The following CDC27 variants were observed in gnomAD, a reference collection of about 807,000 sequenced individuals.
CDC27 encodes the protein cell division cycle 27.
CDC27 carries 27 observed loss-of-function variants against 109.7 expected under a neutral mutation model. The ratio of observed to expected loss-of-function variants is 0.25; its 90% CI spans 0.18 to 0.34. CDC27 has a LOEUF of 0.34. CDC27 is among the 10% of genes least tolerant of loss of function. The probability of loss-of-function intolerance (pLI) is 1.00; values close to 1 mark genes in which losing one functional copy is unlikely to be tolerated. For synonymous variants in CDC27, 266 were observed against 333.9 expected (o/e 0.80, Z 2.22); for missense variants, 579 against 960.2 (o/e 0.60, Z 5.25).
chr17:47,128,277 C>T (rs2062210599), intron 16 of CDC27, among the ~76,000 whole-genome samples: 1 of 152,110 alleles, frequency 6.6e-6, no homozygotes, highest in African/African-American at 2.4e-5. Context: ...GTGATTTGCC[C>T]ACCTTGGCCT....
At chr17:47,189,014 G>C in intron 1 of CDC27, 132 bp downstream of exon 1, 1 of 1,493,684 alleles carries the variant, frequency 6.7e-7, no homozygotes, top group Admixed American at 1.9e-5. Context: ...ACTAAAGATA[G>C]GCAGGACACG....
chr17:47,138,907 C>A lies in CDC27; in HGVS notation c.1552-16G>T. 1.3e-6 allele frequency: 2 copies of A among 1,525,116 alleles called. No individual in the cohort carries two copies. Among genetic ancestry groups the A allele is most frequent in the Non-Finnish European group, 8.9e-7 (1 of 1,125,972 alleles). 94.5% of individuals were successfully genotyped at this position (1,525,116 alleles called of 1,614,324 possible). A position where few individuals can be genotyped will look rare whatever the true frequency, so the allele number is the denominator to read the frequency against. ...TTCTTTCAGCCTGAAATAAAAAAAA[C>A]TAGTAAGAGAAAACAAGTTGATACA... On this transcript the variant is annotated splice_polypyrimidine_tract_variant and intron_variant, in intron 12 of 18. Coordinates refer to ENST00000066544, the MANE Select transcript of CDC27 (RefSeq NM_001256.6).
At chr17:47,124,219 G>A (rs939281506) in intron 16 of CDC27, among the ~76,000 whole-genome samples, 1 of 87,718 alleles carries the variant, frequency 1.1e-5, no homozygotes, top group Non-Finnish European at 2.3e-5. Context: ...ACCCCTCTTC[G>A]TGAAATATGC....
intron 14 of CDC27, among the ~76,000 whole-genome samples, chr17:47,134,227 C>T (rs2062493978): frequency 1.3e-5 from 2 of 151,320 alleles, no homozygotes. Context: ...GTCACTTTTA[C>T]AAGCAAAAAC....
rs889197848 is a variant in CDC27 at position 47,120,672 on chromosome 17, A to G, written c.*263T>C. On this transcript the variant is annotated 3_prime_UTR_variant, in exon 19 of 19. Transcript: ENST00000066544. ...ATACTTTCCAACAAAGGGAGATTAA[A>G]GAAAAACAGAAAAGAAAGTTCCCCA... 1.5e-5 allele frequency: 5 copies of G among 340,954 alleles called. No homozygotes were observed. In the Admixed American group the frequency reaches 2.2e-4, roughly 15 times the overall value. The allele number at this position is 340,954 out of a possible 1,614,324, so 21.1% of individuals were successfully genotyped here. A position where few individuals can be genotyped will look rare whatever the true frequency, so the allele number is the denominator to read the frequency against.
chr17:47,153,731 C>T (rs1367796752), intron 8 of CDC27, among the ~76,000 whole-genome samples: 8 of 152,018 alleles, frequency 5.3e-5, no homozygotes, highest in Non-Finnish European at 8.8e-5. Flanking sequence ...CACAGATATG[C>T]TTTTTAAAAA....
Position 47,120,865 on chromosome 17 carries a change from G to T in CDC27, c.*70C>A. 9.1e-7 allele frequency: 1 copy of T among 1,095,184 alleles called. No homozygotes were observed. Among genetic ancestry groups the T allele is most frequent in the Non-Finnish European group, 1.4e-6 (1 of 720,816 alleles). The allele number at this position is 1,095,184 out of a possible 1,614,324, so 67.8% of individuals were successfully genotyped here. On this transcript the variant is annotated 3_prime_UTR_variant, in exon 19 of 19. Coordinates refer to ENST00000066544, the MANE Select transcript of CDC27 (RefSeq NM_001256.6). Reference sequence around the variant, plus strand: ...CCGCCAGCTCAAGAGTAAAGACTCAGTATACAGAGGGACAAGAAACACGTC... The same window carrying T: ...CCGCCAGCTCAAGAGTAAAGACTCATTATACAGAGGGACAAGAAACACGTC...
At chr17:47,122,664 C>CTA (rs11570571) in intron 17 of CDC27, 64 bp from the exon 18 acceptor site, 1 of 1,212,204 alleles carries the variant, frequency 8.2e-7, no homozygotes, top group Non-Finnish European at 1.1e-6. Context: ...AAAATTCTAA[C>CTA]TATATATATA....
At chr17:47,122,039 C>A (rs948716109) in intron 18 of CDC27, among the ~76,000 whole-genome samples, 1 of 152,046 alleles carries the variant, frequency 6.6e-6, no homozygotes, top group Non-Finnish European at 1.5e-5. Flanking sequence ...CGACTGGCCC[C>A]ATGGCTTATA....
intron 1 of CDC27, among the ~76,000 whole-genome samples, chr17:47,185,732 A>G (rs977456654): frequency 6.6e-6 from 1 of 152,196 alleles, no homozygotes; most frequent in Non-Finnish European, 1.5e-5. Flanking sequence ...CATAAAATAA[A>G]TGGATAATAA....
intron 9 of CDC27, among the ~76,000 whole-genome samples, chr17:47,148,231 A>G (rs2063039170): frequency 1.3e-5 from 2 of 151,886 alleles, no homozygotes; most frequent in Admixed American, 1.3e-4. Context: ...AGAAAACCAA[A>G]TCAATCTAGA....
intron 12 of CDC27, among the ~76,000 whole-genome samples, chr17:47,140,342 G>A (rs931613370): frequency 1.1e-4 from 16 of 152,098 alleles, no homozygotes; most frequent in African/African-American, 3.6e-4. Flanking sequence ...TCCAACTCCT[G>A]AGCTCAAGTG....
chr17:47,149,509 TAAAAAAAAAAAAA>T (rs34375130), intron 9 of CDC27, among the ~76,000 whole-genome samples: 1 of 112,178 alleles, frequency 8.9e-6, no homozygotes, highest in Non-Finnish European at 1.8e-5. Flanking sequence ...GACTCTGTCT[TAAAAAAAAAAAAA>T]AAAAAAAAGA....
chr17:47,178,092 T>C (rs1020224909), intron 2 of CDC27, among the ~76,000 whole-genome samples: 1 of 152,168 alleles, frequency 6.6e-6, no homozygotes, highest in Middle Eastern at 3.4e-3. Flanking sequence ...TGGAGGGAGA[T>C]GGTAAAATTA....
chr17:47,169,086 G>A (rs989845612), intron 4 of CDC27, among the ~76,000 whole-genome samples: 1 of 151,116 alleles, frequency 6.6e-6, no homozygotes, highest in Non-Finnish European at 1.5e-5. Context: ...CAACCTCCTG[G>A]GCTCAAGAGA....
At chr17:47,156,413 C>T (rs1486781157) in intron 7 of CDC27, among the ~76,000 whole-genome samples, 1 of 152,018 alleles carries the variant, frequency 6.6e-6, no homozygotes, top group African/African-American at 2.4e-5. Context: ...GCTGGGATTA[C>T]AGGCGTGAGC....
intron 1 of CDC27, among the ~76,000 whole-genome samples, chr17:47,184,586 C>T (rs2064359299): frequency 6.6e-6 from 1 of 152,170 alleles, no homozygotes; most frequent in Non-Finnish European, 1.5e-5. Flanking sequence ...GTATCATATT[C>T]AAGAGTTGTA....
rs1177631090 is a variant in CDC27 at position 47,120,828 on chromosome 17, C to T, written c.*107G>A. 2.6e-6 allele frequency: 2 copies of T among 758,198 alleles called. No homozygotes were observed. The highest frequency in any genetic ancestry group is 1.6e-5 in the South Asian group (1 of 63,614). 47.0% of individuals were successfully genotyped at this position (758,198 alleles called of 1,614,324 possible). On this transcript the variant is annotated 3_prime_UTR_variant, in exon 19 of 19. Coordinates refer to ENST00000066544, the MANE Select transcript of CDC27 (RefSeq NM_001256.6). ...AGTGGCACACTCATGGTATAAGTGA[C>T]GGACGATGACACCGCCAGCTCAAGA...
chr17:47,173,929 A>G (rs2063897439), intron 2 of CDC27, among the ~76,000 whole-genome samples: 1 of 152,190 alleles, frequency 6.6e-6, no homozygotes, highest in Non-Finnish European at 1.5e-5. Context: ...CCCGTCTTCT[A>G]CTAAAAATAC....
Sources: allele counts gnomAD v4.1 joint callset (sites outside exome capture counted in the v4.1 genomes callset), GRCh38; gene constraint gnomAD v4.1.1; transcripts MANE v1.5; gene names NCBI Gene and HGNC (gene_info 2026-07-23, HGNC 2026-07-21).